RFX3: variants seen among roughly 807,000 people sequenced by gnomAD.
The protein encoded by RFX3 is transcription factor RFX3.
RFX3 carries 14 observed loss-of-function variants against 98.6 expected under a neutral mutation model. That is an observed-to-expected ratio of 0.14 (90% CI 0.09 to 0.22). The LOEUF is 0.22. Ranked by LOEUF, RFX3 falls within the 10% of genes least tolerant of loss-of-function variation. RFX3 has a pLI of 1.00. For synonymous variants in RFX3, 383 were observed against 328.4 expected, an observed-to-expected ratio of 1.17 and a Z score of -1.80; for missense variants, 639 against 926.9, an observed-to-expected ratio of 0.69 and a Z score of 4.03.
chr9:3,286,013 G>C (rs956364430), intron 7 of RFX3, among the ~76,000 whole-genome samples: 1 of 151,724 alleles, frequency 6.6e-6, no homozygotes, highest in Admixed American at 6.6e-5. Context: ...TAGAATTCCT[G>C]GCAGTTAAAT....
intron 1 of RFX3, among the ~76,000 whole-genome samples, chr9:3,423,807 A>ATATC (rs1418595265): frequency 7.0e-6 from 1 of 142,474 alleles, no homozygotes; most frequent in African/African-American, 2.6e-5. Flanking sequence ...ATATATATAT[A>ATATC]TATATCTTAA....
chr9:3,494,081 G>A (rs1357432206), intron 1 of RFX3, among the ~76,000 whole-genome samples: 1 of 152,070 alleles, frequency 6.6e-6, no homozygotes, highest in Non-Finnish European at 1.5e-5. Context: ...TATGATGAGA[G>A]CCACAGAAGA....
intron 1 of RFX3, among the ~76,000 whole-genome samples, chr9:3,520,744 T>C (rs987700835): frequency 6.6e-6 from 1 of 152,244 alleles, no homozygotes; most frequent in Non-Finnish European, 1.5e-5. Flanking sequence ...GGCATGATCA[T>C]AGCCCACTGT....
chr9:3,242,118 C>A (rs1158891024), intron 15 of RFX3, among the ~76,000 whole-genome samples: 2 of 152,098 alleles, frequency 1.3e-5, no homozygotes, highest in African/African-American at 4.8e-5. Context: ...GTGAGGCAGT[C>A]CTACTTTCTA....
chr9:3,525,113 A>G (rs1008959323), intron 1 of RFX3, among the ~76,000 whole-genome samples: 1 of 152,050 alleles, frequency 6.6e-6, no homozygotes, highest in African/African-American at 2.4e-5. Flanking sequence ...GTGAAAGAAG[A>G]GCAGCCCATT....
chr9:3,330,444 G>C lies in RFX3; in HGVS notation c.289C>G (p.Gln97Glu). Residue 97 changes from glutamine to glutamate, a missense_variant, in exon 4 of 17, where the codon CAA (glutamine) becomes GAA (glutamate). This residue lies in a region of RFX3 where 210 missense variants were observed against 197.7 expected (regional missense o/e 1.06). Transcript: ENST00000617270. ...GTAGTCACCTGGGCGGAACTCCCTT[G>C]AGTATCAAAGTAATTCCCTCCAGTA... ...QNTGGNYFDT[Q>E]GSSAQVTTVV... The C allele has an allele frequency of 6.2e-7, 1 of 1,614,048 alleles. No individual in the cohort carries two copies. Among genetic ancestry groups the C allele is most frequent in the Non-Finnish European group, 8.5e-7 (1 of 1,179,974 alleles).
In RFX3 at chr9:3,248,162, G is replaced by A; in HGVS notation, c.1838C>T (p.Thr613Ile). The change falls in exon 15 of 17, where the codon ACC (threonine) becomes ATC (isoleucine). Residue 613 changes from threonine (T) to isoleucine (I), a missense_variant. Physicochemically the swap from Thr to Ile is moderately conservative, Grantham distance 89 (BLOSUM62 -1). Coordinates refer to ENST00000617270, the MANE Select transcript of RFX3 (RefSeq NM_001282116.2). ...FYSSMVIRDL[T>I]LRSAASFGSF... is the part of the protein sequence containing the mutation. Reference sequence around the variant, plus strand: ...GCCAAAGCTAGCAGCACTGCGTAAGGTTAAGTCCCGAATAACCATTGAGCT... The same window carrying A: ...GCCAAAGCTAGCAGCACTGCGTAAGATTAAGTCCCGAATAACCATTGAGCT... The A allele has an allele frequency of 6.2e-7, 1 of 1,611,484 alleles. No individual in the cohort carries two copies. Among genetic ancestry groups the A allele is most frequent in the Non-Finnish European group, 8.5e-7 (1 of 1,178,446 alleles).
chr9:3,254,314 T>G (rs1373341148), intron 14 of RFX3, among the ~76,000 whole-genome samples: 1 of 150,130 alleles, frequency 6.7e-6, no homozygotes, highest in African/African-American at 2.4e-5. Context: ...TAAGGGCAAG[T>G]CTGACACTAA....
intron 4 of RFX3, among the ~76,000 whole-genome samples, chr9:3,322,420 G>A (rs1831422059): frequency 6.6e-6 from 1 of 152,180 alleles, no homozygotes; most frequent in South Asian, 2.1e-4. Flanking sequence ...ATCTAGAAAA[G>A]CTATTGATTT....
intron 4 of RFX3, among the ~76,000 whole-genome samples, chr9:3,308,742 G>A (rs1355325360): frequency 6.6e-6 from 1 of 152,168 alleles, no homozygotes; most frequent in East Asian, 1.9e-4. Context: ...TCATCAGAGA[G>A]TAGAGATGAC....
At chr9:3,285,220 A>T (rs1826422934) in intron 7 of RFX3, among the ~76,000 whole-genome samples, 1 of 151,840 alleles carries the variant, frequency 6.6e-6, no homozygotes, top group African/African-American at 2.4e-5. Flanking sequence ...TAAACCTTCA[A>T]GTATTCAAAC....
chr9:3,304,749 A>T (rs13291751), intron 4 of RFX3, among the ~76,000 whole-genome samples: 3 of 152,034 alleles, frequency 2.0e-5, no homozygotes, highest in Admixed American at 2.0e-4. Context: ...GTCTCCCCAG[A>T]CACATGGAAC....
chr9:3,270,355 T>A lies in RFX3; in HGVS notation c.1357+16A>T, dbSNP rs1824269061. The A allele has an allele frequency of 6.2e-7, 1 of 1,606,536 alleles. No individual in the cohort carries two copies. The highest frequency in any genetic ancestry group is 8.5e-7 in the Non-Finnish European group (1 of 1,177,118). ...ATGAGAACAAAAGCATCCGTACTCGTCTGCATTTAACTTACTAGGAATAGG... is the reference window on the plus strand; with the variant it reads ...ATGAGAACAAAAGCATCCGTACTCGACTGCATTTAACTTACTAGGAATAGG... On this transcript the variant is annotated intron_variant, in intron 11 of 16. Coordinates refer to ENST00000617270, the MANE Select transcript of RFX3 (RefSeq NM_001282116.2).
At chr9:3,399,243 T>C (rs1320331509) in intron 1 of RFX3, among the ~76,000 whole-genome samples, 1 of 145,976 alleles carries the variant, frequency 6.9e-6, no homozygotes, top group African/African-American at 2.6e-5. Flanking sequence ...AAGACCACCC[T>C]GGACAATACG....
intron 1 of RFX3, among the ~76,000 whole-genome samples, chr9:3,405,711 T>C (rs905107745): frequency 6.6e-6 from 1 of 152,186 alleles, no homozygotes; most frequent in Non-Finnish European, 1.5e-5. Flanking sequence ...CTGAGTCTGC[T>C]TCCTAATTAT....
At chr9:3,426,776 G>A (rs942817220) in intron 1 of RFX3, among the ~76,000 whole-genome samples, 3 of 152,134 alleles carry the variant, frequency 2.0e-5, no homozygotes, top group Non-Finnish European at 2.9e-5. Flanking sequence ...TAGCTGGAGG[G>A]AAACAAACTC....
rs560263971 is a variant in RFX3 at position 3,252,356 on chromosome 9, A to G, written c.1815-4171T>C. 1.6e-4 allele frequency among the ~76,000 whole-genome samples: 24 copies of G among 152,326 alleles called. No individual in the cohort carries two copies. In the South Asian group the frequency reaches 1.7e-3, roughly 11 times the overall value. On this transcript the variant is annotated intron_variant, in intron 14 of 16. Coordinates refer to ENST00000617270, the MANE Select transcript of RFX3 (RefSeq NM_001282116.2). ...TTGGTAAATACACAAGTAGATAAAA[A>G]AATATAAAGTTAGGGAGTAAGAGAT...
chr9:3,330,197 A>G (rs942645864), intron 4 of RFX3, 62 bp downstream of exon 4: 5 of 1,539,854 alleles, frequency 3.2e-6, no homozygotes, highest in Admixed American at 3.5e-5. Context: ...CCTCTATCAA[A>G]GGAAATGTTC....
chr9:3,496,369 T>TA (rs956378183), intron 1 of RFX3, among the ~76,000 whole-genome samples: 2 of 152,010 alleles, frequency 1.3e-5, no homozygotes, highest in African/African-American at 4.8e-5. Context: ...TATAAAAGTT[T>TA]AAAGAATTCT....
Sources: gnomAD v4.1 joint callset for allele counts (sites outside exome capture counted in the v4.1 genomes callset) on GRCh38, gnomAD v4.1.1 for gene constraint, gnomAD v4.1.1 regional missense constraint, MANE v1.5 for transcripts, NCBI Gene and HGNC (gene_info 2026-07-23, HGNC 2026-07-21) for gene names.